The following WDR37 variants were observed in gnomAD, a reference collection of about 807,000 sequenced individuals.
WDR37 encodes WD repeat domain 37.
Under a neutral mutation model 62.9 loss-of-function variants are expected in WDR37, and 19 were observed. That is an observed-to-expected ratio of 0.30 (90% confidence interval 0.21 to 0.44). WDR37 has a LOEUF of 0.44. WDR37 is among the 20% of genes least tolerant of loss of function. The pLI, the probability that WDR37 is intolerant of heterozygous loss-of-function variation, is 1.00. For missense variants in WDR37, 474 were observed against 657.6 expected, an observed-to-expected ratio of 0.72 and a Z score of 3.05; for synonymous variants, 250 against 260.9, an observed-to-expected ratio of 0.96 and a Z score of 0.40.
chr10:1,089,126 G>T (rs915522694), intron 7 of WDR37, among the ~76,000 whole-genome samples: 1 of 152,004 alleles, frequency 6.6e-6, no homozygotes, highest in Non-Finnish European at 1.5e-5. Context: ...AGTTTCATCT[G>T]CCAGTCCTCT....
intron 9 of WDR37, among the ~76,000 whole-genome samples, chr10:1,099,542 A>G (rs1206614429): frequency 6.6e-6 from 1 of 152,254 alleles, no homozygotes; most frequent in Non-Finnish European, 1.5e-5. Flanking sequence ...AATAGAGGTT[A>G]TCATAGTTCA....
intron 11 of WDR37, among the ~76,000 whole-genome samples, chr10:1,114,577 G>A (rs1412943891): frequency 6.6e-6 from 1 of 152,230 alleles, no homozygotes; most frequent in Non-Finnish European, 1.5e-5. Flanking sequence ...TGTGGCTATG[G>A]CTTCTGTATG....
Position 1,129,512 on chromosome 10 carries a change from T to C in WDR37, c.*168T>C. The stretch of plus-strand genomic sequence containing the variant: ...AGCTTGCATGAAATGTACAGAGAAA[T>C]GTGTGGTCGTATTTTTTACTTTTGT... On this transcript the variant is annotated 3_prime_UTR_variant, in exon 14 of 14. Coordinates refer to ENST00000263150, the MANE Select transcript of WDR37 (RefSeq NM_014023.4). 1 of 1,069,870 alleles carries C rather than the reference T, an allele frequency of 9.3e-7. No individual in the cohort carries two copies. Among genetic ancestry groups the C allele is most frequent in the East Asian group, 2.7e-5 (1 of 37,558 alleles). 66.3% of individuals were successfully genotyped at this position (1,069,870 alleles called of 1,614,324 possible). A position where few individuals can be genotyped will look rare whatever the true frequency, so the allele number is the denominator to read the frequency against.
At chr10:1,128,915 G>T (rs1438078086) in intron 13 of WDR37, among the ~76,000 whole-genome samples, 1 of 150,594 alleles carries the variant, frequency 6.6e-6, no homozygotes, top group Non-Finnish European at 1.5e-5. Flanking sequence ...GGTGGTCCAT[G>T]CTCTATGGTC....
At position 1,105,886 on chromosome 10, in the gene WDR37, C is replaced by T. The variant is rs944412645; in HGVS notation, c.1103+619C>T. Among the ~76,000 whole-genome samples, 3 of 151,902 alleles carry T rather than the reference C, an allele frequency of 2.0e-5. No homozygotes were observed. Among genetic ancestry groups the T allele is most frequent in the African/African-American group, 2.4e-5 (1 of 41,350 alleles). On this transcript the variant is annotated intron_variant, in intron 11 of 13. Transcript: ENST00000263150. The surrounding 1 kb of genome is among the most constrained non-coding windows in gnomAD (Gnocchi z 5.3). ...CTGCAAGCTCCGCCTCCCGGGTTCA[C>T]GCCATTCTCCTGCCTCAGCCTCCCG... is the stretch of plus-strand genomic sequence containing the variant.
chr10:1,083,620 T>C (rs1038088166), intron 5 of WDR37, among the ~76,000 whole-genome samples: 2 of 152,270 alleles, frequency 1.3e-5, no homozygotes, highest in African/African-American at 4.8e-5. Context: ...GCAGAAATCG[T>C]TGTGTTGAAT....
At chr10:1,116,628 CT>C (rs1464613338) in intron 11 of WDR37, among the ~76,000 whole-genome samples, 1 of 152,184 alleles carries the variant, frequency 6.6e-6, no homozygotes, top group South Asian at 2.1e-4. Context: ...AAAACCCAGG[CT>C]AGGGTCACTA....
chr10:1,114,064 C>A (rs889175687), intron 11 of WDR37, among the ~76,000 whole-genome samples: 2 of 138,394 alleles, frequency 1.4e-5, no homozygotes, highest in African/African-American at 5.3e-5. Flanking sequence ...TCAAACAATT[C>A]TTCTGCCTCA....
At chr10:1,089,685 CCG>C (rs1424273501) in intron 7 of WDR37, among the ~76,000 whole-genome samples, 1 of 150,412 alleles carries the variant, frequency 6.6e-6, no homozygotes, top group Non-Finnish European at 1.5e-5. Context: ...CCGTGCTCAC[CCG>C]CAGTTCGGCC....
intron 7 of WDR37, among the ~76,000 whole-genome samples, chr10:1,088,615 C>T (rs1834280344): frequency 6.6e-6 from 1 of 151,018 alleles, no homozygotes; most frequent in African/African-American, 2.4e-5. Context: ...ACAATGGTAG[C>T]ATCAGAGATC....
chr10:1,078,707 G>C (rs1310635465), intron 3 of WDR37, among the ~76,000 whole-genome samples: 1 of 152,162 alleles, frequency 6.6e-6, no homozygotes, highest in African/African-American at 2.4e-5. Context: ...TAAAGACAGG[G>C]TCTCACTGTG....
Position 1,103,561 on chromosome 10 carries a change from C to G in WDR37, c.727-41C>G. On this transcript the variant is annotated intron_variant, in intron 9 of 13. Coordinates refer to ENST00000263150, the MANE Select transcript of WDR37 (RefSeq NM_014023.4). The surrounding 1 kb of genome is among the most constrained non-coding windows in gnomAD (Gnocchi z 6.3). ...TATGTCAGAAGAAACTCAAGATTTCCAGGAAATGTCTTTCTTTTCTGGCCT... is the reference window on the plus strand; with the variant it reads ...TATGTCAGAAGAAACTCAAGATTTCGAGGAAATGTCTTTCTTTTCTGGCCT... 6.3e-7 allele frequency: 1 copy of G among 1,597,262 alleles called. No homozygotes were observed.
chr10:1,115,035 T>C (rs950234861), intron 11 of WDR37, among the ~76,000 whole-genome samples: 3 of 151,936 alleles, frequency 2.0e-5, no homozygotes, highest in Non-Finnish European at 4.4e-5. Context: ...TTTTTGTTTT[T>C]TTTTTTTTGT....
chr10:1,069,187 C>G (rs756445404), intron 1 of WDR37, among the ~76,000 whole-genome samples: 1 of 151,720 alleles, frequency 6.6e-6, no homozygotes, highest in Non-Finnish European at 1.5e-5. Flanking sequence ...AAATAGGTGT[C>G]TTACATGGTG....
rs1182044705 is a variant in WDR37, at chr10:1,103,784, G to A, written c.909G>A (p.Arg303=). 1 of 1,614,236 alleles carries A rather than the reference G, an allele frequency of 6.2e-7. No homozygotes were observed. Among genetic ancestry groups the A allele is most frequent in the East Asian group, 2.2e-5 (1 of 44,884 alleles). The change falls in exon 10 of 14, where the codon CGG becomes CGA. Residue 303 remains arginine, a synonymous_variant. Coordinates refer to ENST00000263150, the MANE Select transcript of WDR37 (RefSeq NM_014023.4). The surrounding 1 kb of genome is among the most constrained non-coding windows in gnomAD (Gnocchi z 6.3). ...GKQAVTASWD[R]TANLYDVETS... is the part of the protein sequence containing the mutation. ...AGGCTGTGACTGCCTCCTGGGACCG[G>A]ACGGCAAACCTGTACGACGTGGAGA...
rs376312556 is a variant in WDR37 at position 1,096,284 on chromosome 10, T to C, written c.726+38T>C. ...CCTTACCTGTGAATGTGTAGGATGC[T>C]GATGTCTGCGAATCTGAGAATCCAT... On this transcript the variant is annotated intron_variant, in intron 9 of 13. Coordinates refer to ENST00000263150, the MANE Select transcript of WDR37 (RefSeq NM_014023.4). The C allele has an allele frequency of 3.0e-4, 478 of 1,594,376 alleles. 1 individual carries two copies. The highest frequency in any genetic ancestry group is 3.7e-4 in the Non-Finnish European group (433 of 1,162,288).
At chr10:1,092,896 A>G (rs1049083973) in intron 7 of WDR37, among the ~76,000 whole-genome samples, 9 of 150,898 alleles carry the variant, frequency 6.0e-5, no homozygotes, top group African/African-American at 1.9e-4. Context: ...AAAAAAAAAA[A>G]AAGAAGACCT....
chr10:1,120,639 C>A (rs1835547430), intron 11 of WDR37, among the ~76,000 whole-genome samples: 1 of 152,180 alleles, frequency 6.6e-6, no homozygotes. Context: ...CACAGGACTC[C>A]CTCTCTGTGG....
At chr10:1,088,459 G>A (rs1350224954) in intron 7 of WDR37, among the ~76,000 whole-genome samples, 1 of 152,130 alleles carries the variant, frequency 6.6e-6, no homozygotes, top group African/African-American at 2.4e-5. Context: ...CCTAATTTTA[G>A]TATTGTTTTG....
Sources: allele counts gnomAD v4.1 joint callset (sites outside exome capture counted in the v4.1 genomes callset), GRCh38; gene constraint gnomAD v4.1.1; non-coding constraint Gnocchi (gnomAD v3.1); transcripts MANE v1.5; gene names NCBI Gene and HGNC (gene_info 2026-07-23, HGNC 2026-07-21).